Variants in PLXDC2 observed in about 807,000 individuals in gnomAD.
The protein encoded by PLXDC2 is plexin domain-containing protein 2.
In PLXDC2, 40 loss-of-function variants were observed where a neutral mutation model predicts 68.9. The observed-to-expected ratio is 0.58, with a 90% CI of 0.45 to 0.76. The LOEUF is 0.76. Ranked by LOEUF, PLXDC2 falls within the 30% of genes least tolerant of loss-of-function variation. PLXDC2 has a pLI of 0.00. For missense variants in PLXDC2, 644 were observed against 661.9 expected (o/e 0.97, Z 0.30); for synonymous variants, 243 against 234.2 (o/e 1.04, Z -0.34).
chr10:20,095,558 G>T (rs1833339217), intron 4 of PLXDC2, among the ~76,000 whole-genome samples: 2 of 152,180 alleles, frequency 1.3e-5, no homozygotes, highest in Admixed American at 6.6e-5. Context: ...AGGTAATTTG[G>T]TGATACTACA....
intron 4 of PLXDC2, among the ~76,000 whole-genome samples, chr10:20,093,153 A>T (rs1024833929): frequency 6.6e-6 from 1 of 152,180 alleles, no homozygotes; most frequent in African/African-American, 2.4e-5. Flanking sequence ...TATATTATTG[A>T]TACAAGTCTA....
intron 1 of PLXDC2, among the ~76,000 whole-genome samples, chr10:19,861,201 A>C (rs1481077619): frequency 6.6e-6 from 1 of 151,420 alleles, no homozygotes; most frequent in African/African-American, 2.4e-5. Flanking sequence ...CGCCTGGCTA[A>C]TTTTTGTATT....
At chr10:19,902,788 C>T (rs1476673957) in intron 1 of PLXDC2, among the ~76,000 whole-genome samples, 1 of 152,148 alleles carries the variant, frequency 6.6e-6, no homozygotes, top group Non-Finnish European at 1.5e-5. Flanking sequence ...CAACTTTTCC[C>T]TGTTCAGTAC....
chr10:19,842,517 A>G (rs1009367504), intron 1 of PLXDC2, among the ~76,000 whole-genome samples: 1 of 152,152 alleles, frequency 6.6e-6, no homozygotes, highest in Non-Finnish European at 1.5e-5. Context: ...GATTTCTCCC[A>G]TGTATTACCC....
At chr10:20,059,105 T>G (rs1190478070) in intron 3 of PLXDC2, among the ~76,000 whole-genome samples, 2 of 152,188 alleles carry the variant, frequency 1.3e-5, no homozygotes, top group Non-Finnish European at 2.9e-5. Flanking sequence ...CCCTAGGTGA[T>G]TCATTTGCAC....
At chr10:20,001,003 CAGG>C (rs1418835425) in intron 1 of PLXDC2, among the ~76,000 whole-genome samples, 2 of 152,162 alleles carry the variant, frequency 1.3e-5, no homozygotes, top group Non-Finnish European at 2.9e-5. Flanking sequence ...CCTGGAGTAG[CAGG>C]ATGAGCTGGG....
intron 1 of PLXDC2, among the ~76,000 whole-genome samples, chr10:19,885,262 C>G (rs890274001): frequency 4.6e-5 from 7 of 151,220 alleles, no homozygotes; most frequent in African/African-American, 1.7e-4. Context: ...AGCCCTTTGT[C>G]AGATGAGTAG....
At chr10:19,857,699 A>G (rs766052587) in intron 1 of PLXDC2, among the ~76,000 whole-genome samples, 2 of 152,196 alleles carry the variant, frequency 1.3e-5, no homozygotes, top group Non-Finnish European at 2.9e-5. Flanking sequence ...ACTAACAAAG[A>G]CATTAGAGAT....
intron 9 of PLXDC2, among the ~76,000 whole-genome samples, chr10:20,211,252 T>C (rs899645868): frequency 2.0e-5 from 3 of 151,850 alleles, no homozygotes; most frequent in African/African-American, 2.4e-5. Context: ...ATGAGTAAAA[T>C]GAATGAATGA....
At chr10:20,156,165 G>A (rs1275883472) in intron 6 of PLXDC2, among the ~76,000 whole-genome samples, 3 of 151,996 alleles carry the variant, frequency 2.0e-5, no homozygotes, top group African/African-American at 7.3e-5. Context: ...ATTGTCCCAG[G>A]TAAAATCCAC....
chr10:19,902,339 G>C (rs762598589), intron 1 of PLXDC2, among the ~76,000 whole-genome samples: 2 of 152,088 alleles, frequency 1.3e-5, no homozygotes, highest in African/African-American at 2.4e-5. Flanking sequence ...TGTCATCTAT[G>C]ATTTCTTTCT....
At chr10:20,267,274 A>G (rs536351901) in intron 13 of PLXDC2, among the ~76,000 whole-genome samples, 6 of 152,308 alleles carry the variant, frequency 3.9e-5, no homozygotes, top group African/African-American at 9.6e-5. Context: ...ACTGAAGGCC[A>G]TAGCTTCTTA....
At chr10:19,829,154 C>CT (rs71388870) in intron 1 of PLXDC2, among the ~76,000 whole-genome samples, 2,852 of 94,100 alleles carry the variant, frequency 0.03, 4 homozygotes, top group East Asian at 0.045. Flanking sequence ...ACGCTTTCCT[C>CT]TTTTTTTTTT....
chr10:19,977,989 T>C (rs952704954), intron 1 of PLXDC2, among the ~76,000 whole-genome samples: 6 of 152,190 alleles, frequency 3.9e-5, no homozygotes, highest in Non-Finnish European at 5.9e-5. Context: ...TTCTGCTAAA[T>C]TGAGCAGATC....
intron 1 of PLXDC2, among the ~76,000 whole-genome samples, chr10:19,941,132 C>A (rs767319089): frequency 1.1e-4 from 16 of 152,154 alleles, no homozygotes; most frequent in Non-Finnish European, 2.1e-4. Context: ...AGGATAAATG[C>A]TTCTGATTCC....
chr10:20,162,734 C>T (rs891571639), intron 6 of PLXDC2, among the ~76,000 whole-genome samples: 4 of 151,948 alleles, frequency 2.6e-5, no homozygotes, highest in Non-Finnish European at 5.9e-5. Flanking sequence ...GAGGATTTCA[C>T]ATATTGATAC....
rs117025967 is a variant in PLXDC2, at chr10:19,918,123, C to A, written c.113-83652C>A. On this transcript the variant is annotated intron_variant, in intron 1 of 13. Transcript: ENST00000377252. ...TTTGTGTATGGTAGCCCTATAGATACTATCTTCTTGCCAGAAGAGCTGAGC... is the reference window on the plus strand; with the variant it reads ...TTTGTGTATGGTAGCCCTATAGATAATATCTTCTTGCCAGAAGAGCTGAGC... Among the ~76,000 whole-genome samples, 1,184 of 152,300 alleles carry A rather than the reference C, an allele frequency of 7.8e-3. 8 individuals are homozygous for A. The highest frequency in any genetic ancestry group is 9.6e-3 in the Non-Finnish European group (652 of 68,022).
At chr10:20,229,295 G>A (rs956284786) in intron 12 of PLXDC2, among the ~76,000 whole-genome samples, 4 of 152,018 alleles carry the variant, frequency 2.6e-5, no homozygotes, top group African/African-American at 7.3e-5. Flanking sequence ...TGGGAAGAGG[G>A]CAGAGGTCAT....
intron 1 of PLXDC2, among the ~76,000 whole-genome samples, chr10:19,849,103 A>G (rs1341021081): frequency 6.6e-6 from 1 of 152,142 alleles, no homozygotes; most frequent in Non-Finnish European, 1.5e-5. Flanking sequence ...GAATTTATAC[A>G]AGTAGTTTTG....
Sources: allele counts gnomAD v4.1 joint callset (sites outside exome capture counted in the v4.1 genomes callset), GRCh38; gene constraint gnomAD v4.1.1; transcripts MANE v1.5; gene names NCBI Gene and HGNC (gene_info 2026-07-23, HGNC 2026-07-21).